CTH: variants seen among roughly 807,000 people sequenced by gnomAD.
CTH encodes cystathionase (cystathionine gamma-lyase).
In CTH, 41 loss-of-function variants were observed where a neutral mutation model predicts 50.6. The ratio of observed to expected loss-of-function variants is 0.81; its 90% CI spans 0.63 to 1.05. The LOEUF is 1.05. Among genes scored for constraint, CTH ranks in the 50% least tolerant of loss-of-function variants. The pLI, the probability that CTH is intolerant of heterozygous loss-of-function variation, is 0.00. For synonymous variants in CTH, 156 were observed against 168.9 expected (o/e 0.92, Z 0.59); for missense variants, 470 against 492.6 (o/e 0.95, Z 0.43).
intron 8 of CTH, among the ~76,000 whole-genome samples, chr1:70,432,629 C>T (rs868612767): frequency 6.6e-6 from 1 of 151,142 alleles, no homozygotes; most frequent in Non-Finnish European, 1.5e-5. Flanking sequence ...GAGGTTTGTC[C>T]CAGTTGAGAC....
chr1:70,420,563 T>C (rs1684196531), intron 3 of CTH, among the ~76,000 whole-genome samples: 1 of 152,116 alleles, frequency 6.6e-6, no homozygotes, highest in African/African-American at 2.4e-5. Flanking sequence ...TACCCGCTGC[T>C]CACCTCCTGC....
At chr1:70,437,343 A>G (rs551718610) in intron 10 of CTH, among the ~76,000 whole-genome samples, 39 of 152,324 alleles carry the variant, frequency 2.6e-4, no homozygotes, top group African/African-American at 7.2e-4. Flanking sequence ...AGTGCTTTAT[A>G]CATGTTCCTT....
intron 1 of CTH, among the ~76,000 whole-genome samples, chr1:70,413,259 C>CTTTTTTTTTT (rs11295998): frequency 7.2e-6 from 1 of 139,192 alleles, no homozygotes; most frequent in African/African-American, 2.7e-5. Flanking sequence ...TTCTTTCTTT[C>CTTTTTTTTTT]TTTTTTTTTT....
chr1:70,413,048 G>A (rs1684005210), intron 1 of CTH, among the ~76,000 whole-genome samples: 1 of 151,856 alleles, frequency 6.6e-6, no homozygotes, highest in Admixed American at 6.6e-5. Context: ...AAGTTGCTGA[G>A]ATTTGTAAGA....
chr1:70,435,287 TA>T, intron 10 of CTH, 110 bp downstream of exon 10: 2 of 1,008,898 alleles, frequency 2.0e-6, no homozygotes, highest in Non-Finnish European at 3.0e-6. Flanking sequence ...ACAATAAGAA[TA>T]GCAGGACATT....
intron 1 of CTH, among the ~76,000 whole-genome samples, chr1:70,412,114 A>G (rs537391866): frequency 4.4e-4 from 67 of 152,304 alleles, no homozygotes; most frequent in South Asian, 8.3e-4. Context: ...ATTTTTTCCC[A>G]ATAAAGAAGC....
intron 3 of CTH, among the ~76,000 whole-genome samples, chr1:70,419,992 G>C (rs1230481928): frequency 6.7e-6 from 1 of 148,892 alleles, no homozygotes; most frequent in African/African-American, 2.5e-5. Context: ...AGGGACCGGC[G>C]TGTTTTTTTT....
At chr1:70,415,768 A>G (rs1684077045) in intron 1 of CTH, among the ~76,000 whole-genome samples, 188 bp from the exon 2 acceptor site, 1 of 152,240 alleles carries the variant, frequency 6.6e-6, no homozygotes, top group Non-Finnish European at 1.5e-5. Context: ...GAATTCACAT[A>G]GAGTTTGTTT....
At chr1:70,419,651 G>A (rs1012310849) in intron 3 of CTH, among the ~76,000 whole-genome samples, 1 of 152,156 alleles carries the variant, frequency 6.6e-6, no homozygotes, top group African/African-American at 2.4e-5. Flanking sequence ...GTATACATAT[G>A]TAACAAACCT....
At position 70,435,153 on chromosome 1, in the gene CTH, G is replaced by T; in HGVS notation, c.1028G>T (p.Gly343Val). The change falls in exon 10 of 12, where the codon GGA (glycine) becomes GTA (valine). Residue 343 changes from glycine to valine, a missense_variant. Transcript: ENST00000370938. ...TTTACTCTGGCCGAGAGCTTGGGAG[G>T]ATTCGAAAGCCTTGCTGAGCTTCCG... ...KLFTLAESLG[G>V]FESLAELPAI... 1.2e-6 allele frequency: 2 copies of T among 1,613,230 alleles called. No homozygotes were observed. The highest frequency in any genetic ancestry group is 1.7e-6 in the Non-Finnish European group (2 of 1,179,564).
At chr1:70,435,394 T>C (rs1684576675) in intron 10 of CTH, among the ~76,000 whole-genome samples, 1 of 152,076 alleles carries the variant, frequency 6.6e-6, no homozygotes, top group Middle Eastern at 3.2e-3. Context: ...AAATGTTGCT[T>C]CCTTCCCTGC....
chr1:70,438,972 A>G (rs1053237824), intron 11 of CTH, 129 bp from the exon 12 acceptor site: 2 of 1,564,880 alleles, frequency 1.3e-6, no homozygotes, highest in African/African-American at 2.7e-5. Context: ...TGTATAAATA[A>G]ACGTATAGGG....
chr1:70,437,527 AC>A (rs1319767344), intron 10 of CTH, among the ~76,000 whole-genome samples: 1 of 152,164 alleles, frequency 6.6e-6, no homozygotes, highest in Non-Finnish European at 1.5e-5. Context: ...AGGATGAGTA[AC>A]TTTTATAAGG....
Position 70,433,873 on chromosome 1 carries a change from C to T in CTH, c.923C>T (p.Thr308Ile), listed in dbSNP as rs779335556. ...CATGAGTTGGTGAAGCGTCAGTGTA[C>T]AGGTTGTACAGGGATGGTCACCTTT... ...PQHELVKRQCTGCTGMVTFYI... is the reference protein window; with the variant it reads ...PQHELVKRQCIGCTGMVTFYI... Residue 308 changes from threonine to isoleucine, a missense_variant, in exon 9 of 12, where the codon ACA (threonine) becomes ATA (isoleucine). Thr to Ile is a moderately conservative substitution (Grantham distance 89). Coordinates refer to ENST00000370938, the MANE Select transcript of CTH (RefSeq NM_001902.6). 9.9e-6 allele frequency: 16 copies of T among 1,613,900 alleles called. No individual in the cohort carries two copies. The highest frequency in any genetic ancestry group is 4.0e-5 in the African/African-American group (3 of 74,878).
rs763686823 is a variant in CTH at position 70,424,346 on chromosome 1, C to CACAT, written c.520_523dup (p.Ile175ThrfsTer5). On this transcript the variant is annotated frameshift_variant, in exon 5 of 12. Transcript: ENST00000370938. LOFTEE classifies it high-confidence loss of function. ...AAGGTGATTGACATTGAAGGCTGTG[C>CACAT]ACATATTGTCCATAAGCATGGAGAC... 6.2e-7 allele frequency: 1 copy of CACAT among 1,614,134 alleles called. No homozygotes were observed. The highest frequency in any genetic ancestry group is 1.1e-5 in the South Asian group (1 of 91,076).
intron 8 of CTH, among the ~76,000 whole-genome samples, chr1:70,432,445 G>T (rs76553798): frequency 0.013 from 1,913 of 152,306 alleles, 44 homozygotes; most frequent in African/African-American, 0.044. Flanking sequence ...CTCTAGTTTA[G>T]TGGATGCTTG....
rs1239200375 is a variant in CTH at position 70,438,824 on chromosome 1, G to T, written c.1189G>T (p.Ala397Ser). Reference sequence around the variant, plus strand: ...AGATCTAGATCAAGCTTTGAAGGCAGCAGTAAGTCTTATTATTGTGTGTGT... The same window carrying T: ...AGATCTAGATCAAGCTTTGAAGGCATCAGTAAGTCTTATTATTGTGTGTGT... ...LEDLDQALKA[A>S]HPPSGSHS Residue 397 changes from alanine to serine, a missense_variant and splice_region_variant, in exon 11 of 12, where the codon GCA becomes TCA. Physicochemically the swap from Ala to Ser is moderately conservative, Grantham distance 99. Coordinates refer to ENST00000370938, the MANE Select transcript of CTH (RefSeq NM_001902.6). 6.2e-7 allele frequency: 1 copy of T among 1,603,752 alleles called. No individual in the cohort carries two copies. The highest frequency in any genetic ancestry group is 1.4e-5 in the African/African-American group (1 of 71,018).
intron 10 of CTH, among the ~76,000 whole-genome samples, chr1:70,437,942 T>C (rs1328601725): frequency 6.6e-6 from 1 of 152,220 alleles, no homozygotes; most frequent in African/African-American, 2.4e-5. Context: ...TGTCTATACT[T>C]GTTTGGCATT....
chr1:70,414,192 G>GGTAAGGATA (rs559439538), intron 1 of CTH, among the ~76,000 whole-genome samples: 91 of 151,502 alleles, frequency 6.0e-4, no homozygotes, highest in Non-Finnish European at 9.7e-4. Context: ...GGTGGGGAGG[G>GGTAAGGATA]GTAAGGATAT....
Sources: allele counts gnomAD v4.1 joint callset (sites outside exome capture counted in the v4.1 genomes callset), GRCh38; gene constraint gnomAD v4.1.1; transcripts MANE v1.5; gene names NCBI Gene and HGNC (gene_info 2026-07-23, HGNC 2026-07-21).